The following FUS variants were observed in gnomAD, a reference collection of about 807,000 sequenced individuals.
FUS encodes the protein RNA-binding protein FUS.
In FUS, 5 loss-of-function variants were observed where a neutral mutation model predicts 82.7. That is an observed-to-expected ratio of 0.06 (90% CI 0.03 to 0.13). FUS has a LOEUF of 0.13. Among genes scored for constraint, FUS ranks in the 10% least tolerant of loss-of-function variants. The probability of loss-of-function intolerance (pLI) is 1.00; values close to 1 mark genes in which losing one functional copy is unlikely to be tolerated. For missense variants in FUS, 512 were observed against 707.8 expected (o/e 0.72, Z 3.14); for synonymous variants, 281 against 247.4 (o/e 1.14, Z -1.27).
downstream of FUS, chr16:31,191,720 G>C (rs928323867): frequency 6.0e-6 from 4 of 663,396 alleles, no homozygotes; most frequent in South Asian, 1.5e-5. Context: ...TACAGTGTTC[G>C]GGGAGAAGGC....
downstream of FUS, chr16:31,192,652 C>T (rs1050525416): frequency 2.7e-5 from 13 of 483,536 alleles, no homozygotes; most frequent in African/African-American, 2.4e-4. Flanking sequence ...CCTCTGCCTC[C>T]TGAGTTTAAG....
chr16:31,186,749 C>A (rs1409281323), intron 6 of FUS, 53 bp from the exon 7 acceptor site: 3 of 1,580,956 alleles, frequency 1.9e-6, no homozygotes, highest in African/African-American at 1.3e-5. Flanking sequence ...AAAAAACAAC[C>A]TTTTGTAGCC....
At chr16:31,188,877 C>T (rs764423081) in intron 8 of FUS, 334 of 547,220 alleles carry the variant, frequency 6.1e-4, no homozygotes, top group Non-Finnish European at 9.5e-4. Flanking sequence ...CATTTCACTC[C>T]TGAGCCCTGG....
At chr16:31,194,071 G>A, downstream of FUS, 1 of 534,312 alleles carries the variant, frequency 1.9e-6, no homozygotes, top group Non-Finnish European at 3.6e-6. Context: ...TGTGCTGTAG[G>A]TCTGTTTGTC....
chr16:31,180,533 G>C (rs1193953413), intron 1 of FUS, among the ~76,000 whole-genome samples: 1 of 152,202 alleles, frequency 6.6e-6, no homozygotes, highest in Non-Finnish European at 1.5e-5. Flanking sequence ...CATTCTCCGT[G>C]GCCTCGCCTC....
At chr16:31,188,088 G>A in intron 7 of FUS, 1 of 583,792 alleles carries the variant, frequency 1.7e-6, no homozygotes, top group Non-Finnish European at 3.0e-6. Flanking sequence ...GCTGAAGTGT[G>A]GAGTTGTCTC....
chr16:31,181,784 A>G (rs914753894), intron 1 of FUS, among the ~76,000 whole-genome samples: 8 of 152,204 alleles, frequency 5.3e-5, no homozygotes, highest in African/African-American at 1.9e-4. Context: ...GCGATGTTTT[A>G]GAGCAATCAC....
At chr16:31,185,640 T>C in intron 6 of FUS, 1 of 486,282 alleles carries the variant, frequency 2.1e-6, no homozygotes, top group South Asian at 1.6e-5. Flanking sequence ...CTCTTCCCGT[T>C]TTCTATAGTC....
intron 11 of FUS, 59 bp from the exon 12 acceptor site, chr16:31,190,215 TG>T: frequency 6.2e-7 from 1 of 1,613,890 alleles, no homozygotes; most frequent in Non-Finnish European, 8.5e-7. Flanking sequence ...TTGCATGGAA[TG>T]GGTTAGATTT....
At chr16:31,193,633 G>A (rs990481599), downstream of FUS, 3 of 529,398 alleles carry the variant, frequency 5.7e-6, no homozygotes, top group African/African-American at 1.9e-5. Context: ...AAGGAAATAG[G>A]GTCCCAGGTG....
At chr16:31,186,707 C>T in intron 6 of FUS, 95 bp from the exon 7 acceptor site, 1 of 1,189,320 alleles carries the variant, frequency 8.4e-7, no homozygotes, top group Non-Finnish European at 1.3e-6. Context: ...CCAAAAACAC[C>T]TACCCATGTT....
downstream of FUS, chr16:31,192,116 T>C (rs998191891): frequency 1.9e-6 from 1 of 531,660 alleles, no homozygotes; most frequent in Non-Finnish European, 3.6e-6. Flanking sequence ...CCTTCCTAGC[T>C]GCCCTGGTGA....
At chr16:31,190,623 T>C (rs971214003) in intron 12 of FUS, 119 bp from the exon 13 acceptor site, 1 of 1,209,520 alleles carries the variant, frequency 8.3e-7, no homozygotes, top group Non-Finnish European at 1.2e-6. Context: ...GCAAGCCGTT[T>C]TGTCTTTCTG....
intron 1 of FUS, 112 bp from the exon 2 acceptor site, chr16:31,182,286 T>A (rs991886034): frequency 7.8e-7 from 1 of 1,283,630 alleles, no homozygotes; most frequent in Non-Finnish European, 1.1e-6. Flanking sequence ...CCACCGTGCC[T>A]GGCCTACGTG....
rs907026447 is a variant in FUS, at chr16:31,186,556, G to A, written c.765-246G>A. 2.6e-5 allele frequency: 15 copies of A among 566,510 alleles called. No individual in the cohort carries two copies. The Admixed American group carries it at 4.3e-4, about 16-fold the overall frequency. The allele number at this position is 566,510 out of a possible 1,614,324, so 35.1% of individuals were successfully genotyped here. A position where few individuals can be genotyped will look rare whatever the true frequency, so the allele number is the denominator to read the frequency against. On this transcript the variant is annotated intron_variant, in intron 6 of 14. Coordinates refer to ENST00000254108, the MANE Select transcript of FUS (RefSeq NM_004960.4). ...GAAAATGGGTTATTTTTTTTCCAGA[G>A]GAAATAGATAACGTAACCTTTTAAA...
chr16:31,192,407 T>A (rs1250459179), downstream of FUS: 1 of 522,740 alleles, frequency 1.9e-6, no homozygotes, highest in Admixed American at 2.2e-5. Context: ...TAGCATGCTT[T>A]TTATTTTAGT....
Position 31,184,371 on chromosome 16 carries a change from T to TGGTGGAGGTGGAGGTGGA in FUS, c.509_523+3dup. On this transcript the variant is annotated inframe_insertion, in exon 5 of 15. Coordinates refer to ENST00000254108, the MANE Select transcript of FUS (RefSeq NM_004960.4). Reference sequence around the variant, plus strand: ...AGAACCAGTACAACAGCAGCAGTGGTGGTGGAGGTGGAGGTGGAGGTGGAG... The same window carrying TGGTGGAGGTGGAGGTGGA: ...AGAACCAGTACAACAGCAGCAGTGGTGGTGGAGGTGGAGGTGGAGGTGGAGGTGGAGGTGGAGGTGGAG... 1 of 1,612,834 alleles carries TGGTGGAGGTGGAGGTGGA rather than the reference T, an allele frequency of 6.2e-7. No homozygotes were observed. Among genetic ancestry groups the TGGTGGAGGTGGAGGTGGA allele is most frequent in the African/African-American group, 1.3e-5 (1 of 74,548 alleles).
rs1470275612 is a variant in FUS at position 31,188,324 on chromosome 16, G to C, written c.800-1G>C. 1 of 1,612,160 alleles carries C rather than the reference G, an allele frequency of 6.2e-7. No individual in the cohort carries two copies. The highest frequency in any genetic ancestry group is 1.3e-5 in the African/African-American group (1 of 74,408). On this transcript the variant is annotated splice_acceptor_variant, in intron 7 of 14. Coordinates refer to ENST00000254108, the MANE Select transcript of FUS (RefSeq NM_004960.4). LOFTEE classifies it high-confidence loss of function. ...TGTTCTTTTTTTCCATGTCACTAAAGGCCCTCGGGACCAAGGATCACGTCA... is the reference window on the plus strand; with the variant it reads ...TGTTCTTTTTTTCCATGTCACTAAACGCCCTCGGGACCAAGGATCACGTCA...
At chr16:31,193,786 G>A (rs775218493), downstream of FUS, 10 of 525,674 alleles carry the variant, frequency 1.9e-5, no homozygotes, top group South Asian at 3.1e-5. Context: ...GTGCTTCCTC[G>A]CTACCACACC....
Sources: gnomAD v4.1 joint callset for allele counts (sites outside exome capture counted in the v4.1 genomes callset) on GRCh38, gnomAD v4.1.1 for gene constraint, MANE v1.5 for transcripts, NCBI Gene and HGNC (gene_info 2026-07-23, HGNC 2026-07-21) for gene names.